The following PSMA7 variants were observed in gnomAD, a reference collection of about 807,000 sequenced individuals.
PSMA7 encodes proteasome 20S subunit alpha 7.
Under a neutral mutation model 31.3 loss-of-function variants are expected in PSMA7, and 5 were observed. That is an observed-to-expected ratio of 0.16 (90% CI 0.08 to 0.34). The LOEUF is 0.34. Ranked by LOEUF, PSMA7 falls within the 10% of genes least tolerant of loss-of-function variation. The pLI is 1.00. For missense variants in PSMA7, 217 were observed against 327.5 expected (o/e 0.66, Z 2.60); for synonymous variants, 155 against 121.9 (o/e 1.27, Z -1.79).
intron 3 of PSMA7, chr20:62,139,579 C>T (rs2056914809): frequency 1.2e-6 from 1 of 858,394 alleles, no homozygotes; most frequent in African/African-American, 1.7e-5. Flanking sequence ...TTGGAATATC[C>T]CATGCCAGGA....
At position 62,136,902 on chromosome 20, in the gene PSMA7, TTTTTCA is replaced by T. The variant is rs2056897434; in HGVS notation, c.696_701del (p.Lys236_Glu237del). On this transcript the variant is annotated inframe_deletion, in exon 7 of 7. Coordinates refer to ENST00000370873, the MANE Select transcript of PSMA7 (RefSeq NM_002792.4). ...TCTTCTTTTCGTTTTCTTCTTTTTC[TTTTTCA>T]ATTTCAGCAACATACTTCTCAATTT... is the stretch of plus-strand genomic sequence containing the variant. 1 of 1,600,676 alleles carries T rather than the reference TTTTTCA, an allele frequency of 6.2e-7. No individual in the cohort carries two copies. Among genetic ancestry groups the T allele is most frequent in the Non-Finnish European group, 8.5e-7 (1 of 1,175,510 alleles).
intron 1 of PSMA7, among the ~76,000 whole-genome samples, chr20:62,142,288 G>C (rs2056935305): frequency 6.6e-6 from 1 of 152,158 alleles, no homozygotes; most frequent in South Asian, 2.1e-4. Context: ...GGGTACAGGG[G>C]TCAGCCGACT....
chr20:62,139,649 G>C, intron 3 of PSMA7, 132 bp downstream of exon 3: 3 of 1,463,834 alleles, frequency 2.0e-6, no homozygotes, highest in Non-Finnish European at 2.9e-6. Context: ...ACTTGTGCAA[G>C]TCAAGATTAG....
chr20:62,138,928 T>G, intron 4 of PSMA7, 147 bp downstream of exon 4: 6 of 1,096,952 alleles, frequency 5.5e-6, no homozygotes, highest in Non-Finnish European at 7.7e-6. Context: ...CAGCAATGTT[T>G]AATCATTTTC....
In PSMA7 at chr20:62,139,837, C is replaced by G; in HGVS notation, c.292G>C (p.Val98Leu). 1.2e-6 allele frequency: 2 copies of G among 1,614,138 alleles called. No homozygotes were observed. Among genetic ancestry groups the G allele is most frequent in the Non-Finnish European group, 1.7e-6 (2 of 1,180,046 alleles). Residue 98 changes from valine (V) to leucine (L), a missense_variant, in exon 3 of 7, where the codon GTG (valine) becomes CTG (leucine). By Grantham distance (32) the Val-to-Leu change is conservative. This residue lies in a region of PSMA7 where 53 missense variants were observed against 119.4 expected (regional missense o/e 0.44). Transcript: ENST00000370873. ...RVECQSHRLT[V>L]EDPVTVEYIT... The stretch of plus-strand genomic sequence containing the variant: ...TACTCCACAGTGACCGGGTCCTCCA[C>G]AGTCAGCCGGTGGCTCTGGCACTCC...
chr20:62,141,775 G>A (rs2056928789), intron 1 of PSMA7, among the ~76,000 whole-genome samples: 1 of 152,252 alleles, frequency 6.6e-6, no homozygotes, highest in Admixed American at 6.5e-5. Flanking sequence ...CAGTGGACAA[G>A]GTGTCAAGTG....
chr20:62,137,220 C>T (rs865846075), intron 6 of PSMA7, 144 bp downstream of exon 6: 26 of 947,288 alleles, frequency 2.7e-5, no homozygotes, highest in Non-Finnish European at 3.7e-5. Context: ...TTCTCTTTGA[C>T]GTATGGGGAG....
In PSMA7 at chr20:62,139,096, C is replaced by T. The variant is rs749168097; in HGVS notation, c.450G>A (p.Ser150=). 30 of 1,613,950 alleles carry T rather than the reference C, an allele frequency of 1.9e-5. No individual in the cohort carries two copies. Among genetic ancestry groups the T allele is most frequent in the Admixed American group, 6.7e-5 (4 of 60,000 alleles). Residue 150 remains serine, a synonymous_variant, in exon 4 of 7, where the codon TCG becomes TCA. Coordinates refer to ENST00000370873, the MANE Select transcript of PSMA7 (RefSeq NM_002792.4). ...GTPRLYQTDP[S]GTYHAWKANA... ...TCACCTTCCAGGCATGGTATGTGCC[C>T]GAGGGGTCAGTCTGATAGAGCCTAG...
At position 62,140,044 on chromosome 20, in the gene PSMA7, AC is replaced by A. The variant is rs1171363369; in HGVS notation, c.224-140del. 2.5e-6 allele frequency: 3 copies of A among 1,189,300 alleles called. No individual in the cohort carries two copies. The East Asian group carries it at 7.7e-5, about 31-fold the overall frequency. 73.7% of individuals were successfully genotyped at this position (1,189,300 alleles called of 1,614,324 possible). A position where few individuals can be genotyped will look rare whatever the true frequency, so the allele number is the denominator to read the frequency against. On this transcript the variant is annotated intron_variant, in intron 2 of 6. Transcript: ENST00000370873. Reference sequence around the variant, plus strand: ...GCTATTCTAACTGACTGGCAGCGGAACCTATCAGCCCCTGGGAACTTCCAGG... The same window carrying A: ...GCTATTCTAACTGACTGGCAGCGGAACTATCAGCCCCTGGGAACTTCCAGG...
intron 3 of PSMA7, 189 bp downstream of exon 3, chr20:62,139,592 T>G: frequency 2.1e-6 from 2 of 942,490 alleles, no homozygotes; most frequent in Non-Finnish European, 3.3e-6. Flanking sequence ...TGCCAGGAAC[T>G]GAGAACAGAA....
rs1246106402 is a variant in PSMA7 at position 62,138,669 on chromosome 20, C to T, written c.472-379G>A. Among the ~76,000 whole-genome samples, 5 of 151,748 alleles carry T rather than the reference C, an allele frequency of 3.3e-5. No individual in the cohort carries two copies. The East Asian group carries it at 5.8e-4, about 18-fold the overall frequency. On this transcript the variant is annotated intron_variant, in intron 4 of 6. Transcript: ENST00000370873. ...TCTCGGGTTCAAGCGATTTTCCTGC[C>T]TCAGCCTCCTGAGTAGCTGGGATTA...
At chr20:62,137,590 T>G in intron 5 of PSMA7, 164 bp from the exon 6 acceptor site, 5 of 663,810 alleles carry the variant, frequency 7.5e-6, no homozygotes, top group Non-Finnish European at 1.3e-5. Flanking sequence ...TCATGGCCAT[T>G]TGTGAAGTCT....
Position 62,139,787 on chromosome 20 carries a change from C to T in PSMA7, c.342G>A (p.Leu114=), listed in dbSNP as rs1600967640. 6.2e-7 allele frequency: 1 copy of T among 1,614,048 alleles called. No individual in the cohort carries two copies. Among genetic ancestry groups the T allele is most frequent in the South Asian group, 1.1e-5 (1 of 91,092 alleles). Reference sequence around the variant, plus strand: ...CAAGCGGGCAGGCACCCACCTGCTTCAGACTGGCGATGTAGCGGGTGATGT... The same window carrying T: ...CAAGCGGGCAGGCACCCACCTGCTTTAGACTGGCGATGTAGCGGGTGATGT... ...VEYITRYIAS[L]KQRYTQSNGR... The change falls in exon 3 of 7, where the codon CTG becomes CTA. Residue 114 remains leucine, a synonymous_variant. Transcript: ENST00000370873.
Position 62,139,056 on chromosome 20 carries a change from C to T in PSMA7, c.471+19G>A. The T allele has an allele frequency of 1.2e-6, 2 of 1,612,638 alleles. No individual in the cohort carries two copies. The highest frequency in any genetic ancestry group is 1.7e-6 in the Non-Finnish European group (2 of 1,179,052). On this transcript the variant is annotated intron_variant, in intron 4 of 6. Transcript: ENST00000370873. Reference sequence around the variant, plus strand: ...TTTTTCTGGCAAGACTGTCCAAAGCCCCTTTGTCACGAACTCACCTTCCAG... The same window carrying T: ...TTTTTCTGGCAAGACTGTCCAAAGCTCCTTTGTCACGAACTCACCTTCCAG...
intron 5 of PSMA7, 153 bp from the exon 6 acceptor site, chr20:62,137,579 C>T (rs2056902990): frequency 2.8e-6 from 2 of 717,336 alleles, no homozygotes; most frequent in Non-Finnish European, 4.9e-6. Context: ...TTGTCCTAAA[C>T]TCATGGCCAT....
At chr20:62,138,148 C>T (rs1450540481) in intron 5 of PSMA7, 23 bp downstream of exon 5, 3 of 1,613,958 alleles carry the variant, frequency 1.9e-6, no homozygotes, top group Non-Finnish European at 2.5e-6. Flanking sequence ...ACCACCTTGC[C>T]TGGATTCCAA....
rs746240477 is a variant in PSMA7 at position 62,137,454 on chromosome 20, AACC to A, written c.592-31_592-29del. ...TGAAGGGACAGAAGACAGGAGCATT[AACC>A]ACCTTTCCCTATTCAAGACAAAAGC... On this transcript the variant is annotated intron_variant, in intron 5 of 6. Coordinates refer to ENST00000370873, the MANE Select transcript of PSMA7 (RefSeq NM_002792.4). 3.1e-6 allele frequency: 5 copies of A among 1,610,994 alleles called. No homozygotes were observed. The South Asian group carries it at 5.5e-5, about 18-fold the overall frequency.
Position 62,139,777 on chromosome 20 carries a change from C to A in PSMA7, c.348+4G>T. On this transcript the variant is annotated splice_donor_region_variant and intron_variant, in intron 3 of 6. Coordinates refer to ENST00000370873, the MANE Select transcript of PSMA7 (RefSeq NM_002792.4). ...GGTGAGCATGCAAGCGGGCAGGCAC[C>A]CACCTGCTTCAGACTGGCGATGTAG... The A allele has an allele frequency of 6.2e-7, 1 of 1,613,950 alleles. No individual in the cohort carries two copies. Among genetic ancestry groups the A allele is most frequent in the Non-Finnish European group, 8.5e-7 (1 of 1,180,008 alleles).
At chr20:62,143,149 G>A in intron 1 of PSMA7, 59 bp downstream of exon 1, 1 of 1,153,488 alleles carries the variant, frequency 8.7e-7, no homozygotes, top group East Asian at 5.5e-5. Context: ...GCCCTCTCTG[G>A]GCTCCCCAGC....
Sources: allele counts gnomAD v4.1 joint callset (sites outside exome capture counted in the v4.1 genomes callset), GRCh38; gene constraint gnomAD v4.1.1; regional missense constraint gnomAD v4.1.1; transcripts MANE v1.5; gene names NCBI Gene and HGNC (gene_info 2026-07-23, HGNC 2026-07-21).